Variants in SOX6 observed in about 807,000 individuals in gnomAD.
SOX6 encodes the protein SRY-box transcription factor 6.
Under a neutral mutation model 97.8 loss-of-function variants are expected in SOX6, and 11 were observed. The ratio of observed to expected loss-of-function variants is 0.11; its 90% CI spans 0.07 to 0.19. The LOEUF is 0.19. Among genes scored for constraint, SOX6 ranks in the 10% least tolerant of loss-of-function variants. The probability of loss-of-function intolerance (pLI) is 1.00; values close to 1 mark genes in which losing one functional copy is unlikely to be tolerated. For missense variants in SOX6, 810 were observed against 1,039.5 expected, an observed-to-expected ratio of 0.78 and a Z score of 3.04; for synonymous variants, 360 against 371.4, an observed-to-expected ratio of 0.97 and a Z score of 0.35.
intron 6 of SOX6, among the ~76,000 whole-genome samples, chr11:16,146,806 C>A (rs1019908039): frequency 1.3e-5 from 2 of 152,100 alleles, no homozygotes; most frequent in Non-Finnish European, 2.9e-5. Flanking sequence ...CAGTGAGATA[C>A]CATCTCACAC....
At chr11:16,465,990 C>G (rs913249251) in intron 1 of SOX6, among the ~76,000 whole-genome samples, 2 of 152,140 alleles carry the variant, frequency 1.3e-5, no homozygotes, top group African/African-American at 4.8e-5. Flanking sequence ...ATAATAATAA[C>G]AAGCATTACA....
intron 4 of SOX6, among the ~76,000 whole-genome samples, chr11:16,585,435 A>G (rs1848080454): frequency 1.3e-5 from 2 of 152,180 alleles, no homozygotes; most frequent in Non-Finnish European, 2.9e-5. Flanking sequence ...AGGCCTGAAG[A>G]GATTAAAACA....
chr11:16,165,669 G>A lies in SOX6; in HGVS notation c.777+18217C>T, dbSNP rs573694796. Among the ~76,000 whole-genome samples the A allele has an allele frequency of 3.5e-4, 54 of 152,174 alleles. 1 individual carries two copies. The South Asian group carries it at 6.2e-3, about 18-fold the overall frequency. On this transcript the variant is annotated intron_variant, in intron 6 of 15. Transcript: ENST00000683767. Reference sequence around the variant, plus strand: ...TCCCAGCACTTTGGGAGGCCAAGGCGGGCAGATCACTTGAGGTCAGGAGTT... The same window carrying A: ...TCCCAGCACTTTGGGAGGCCAAGGCAGGCAGATCACTTGAGGTCAGGAGTT...
chr11:16,428,688 C>T (rs951745762), intron 1 of SOX6, among the ~76,000 whole-genome samples: 17 of 151,958 alleles, frequency 1.1e-4, no homozygotes, highest in African/African-American at 2.2e-4. Flanking sequence ...GATCTATATC[C>T]CTGTTTTGGT....
At chr11:16,067,031 G>A (rs558547074) in intron 9 of SOX6, among the ~76,000 whole-genome samples, 3 of 152,266 alleles carry the variant, frequency 2.0e-5, no homozygotes, top group African/African-American at 7.2e-5. Flanking sequence ...AATGGGTGAA[G>A]TTACCCAATG....
intron 1 of SOX6, among the ~76,000 whole-genome samples, chr11:16,388,752 C>CT (rs1404589929): frequency 6.6e-6 from 1 of 151,792 alleles, no homozygotes; most frequent in African/African-American, 2.4e-5. Context: ...AGTTGTGTTT[C>CT]TTTTTTTCTT....
At chr11:16,721,176 C>A (rs1018306116) in intron 2 of SOX6, among the ~76,000 whole-genome samples, 19 of 152,154 alleles carry the variant, frequency 1.2e-4, no homozygotes, top group African/African-American at 4.6e-4. Flanking sequence ...AGGTTCAAGG[C>A]CCAACTTAGG....
chr11:16,738,288 C>T (rs1388953711), intron 1 of SOX6: 1 of 159,180 alleles, frequency 6.3e-6, no homozygotes, highest in African/African-American at 2.4e-5. Flanking sequence ...AGGATTCAGT[C>T]AGCCTCAAAC....
rs927668376 is a variant in SOX6, at chr11:16,340,114, A to G, written c.237+898T>C. On this transcript the variant is annotated intron_variant, in intron 2 of 15. Transcript: ENST00000683767. ...TCTGAGACATTAAGCATCAAATAAG[A>G]ATTTAAATATGTGTTATTAGTAGTA... Among the ~76,000 whole-genome samples the G allele has an allele frequency of 2.6e-5, 4 of 152,098 alleles. No homozygotes were observed. In the East Asian group the frequency reaches 5.8e-4, roughly 22 times the overall value.
chr11:16,047,783 AG>A (rs1855881873), intron 11 of SOX6, among the ~76,000 whole-genome samples: 1 of 151,958 alleles, frequency 6.6e-6, no homozygotes, highest in Admixed American at 6.6e-5. Flanking sequence ...AAATGAGTGT[AG>A]AATCAAGCTC....
intron 4 of SOX6, among the ~76,000 whole-genome samples, chr11:16,517,325 C>A (rs1394949698): frequency 6.6e-6 from 1 of 151,016 alleles, no homozygotes; most frequent in Non-Finnish European, 1.5e-5. Context: ...GAAGTTCTGG[C>A]CAGGGCAATT....
chr11:16,467,013 C>A (rs1860051998), intron 1 of SOX6, among the ~76,000 whole-genome samples: 1 of 147,948 alleles, frequency 6.8e-6, no homozygotes, highest in African/African-American at 2.5e-5. Context: ...AGAAAACGTA[C>A]ATGTGGCCAA....
chr11:16,341,303 T>C (rs1181379793), intron 1 of SOX6, 51 bp from the exon 2 acceptor site: 5 of 1,599,876 alleles, frequency 3.1e-6, no homozygotes, highest in Admixed American at 1.7e-5. Flanking sequence ...TAACAAACCA[T>C]AAACCAATCC....
At chr11:16,203,667 T>G (rs946484619) in intron 4 of SOX6, among the ~76,000 whole-genome samples, 1 of 152,134 alleles carries the variant, frequency 6.6e-6, no homozygotes, top group Non-Finnish European at 1.5e-5. Flanking sequence ...ACATATACAC[T>G]TTTGTTCCCT....
chr11:16,085,485 C>T (rs918907805), intron 9 of SOX6, among the ~76,000 whole-genome samples: 3 of 152,088 alleles, frequency 2.0e-5, no homozygotes, highest in African/African-American at 7.2e-5. Flanking sequence ...CATTGAAATA[C>T]AGCTTAGATG....
intron 3 of SOX6, chr11:16,645,930 A>G (rs1849006605): frequency 6.6e-6 from 1 of 152,150 alleles, no homozygotes; most frequent in Non-Finnish European, 1.5e-5. Context: ...AGCTGAATTT[A>G]TTTAAAAAAA....
chr11:16,186,638 G>T, intron 5 of SOX6, 145 bp downstream of exon 5: 1 of 1,069,672 alleles, frequency 9.3e-7, no homozygotes, highest in Non-Finnish European at 1.3e-6. Context: ...ATTTCCAGAA[G>T]GCTTTGTTTT....
At chr11:16,197,286 G>A (rs1324690968) in intron 4 of SOX6, among the ~76,000 whole-genome samples, 1 of 152,094 alleles carries the variant, frequency 6.6e-6, no homozygotes, top group African/African-American at 2.4e-5. Context: ...TAGCTCTCAG[G>A]ACATCCTAGT....
intron 1 of SOX6, among the ~76,000 whole-genome samples, chr11:16,407,179 TACAG>T (rs1228069610): frequency 6.6e-6 from 1 of 152,082 alleles, no homozygotes; most frequent in African/African-American, 2.4e-5. Context: ...TCTTAGAAAG[TACAG>T]ACAGTTTTAT....
Sources: allele counts gnomAD v4.1 joint callset (sites outside exome capture counted in the v4.1 genomes callset), GRCh38; gene constraint gnomAD v4.1.1; transcripts MANE v1.5; gene names NCBI Gene and HGNC (gene_info 2026-07-23, HGNC 2026-07-21).